Variants in NOS1AP observed in about 807,000 individuals in gnomAD.
The protein encoded by NOS1AP is nitric oxide synthase 1 adaptor protein.
Under a neutral mutation model 56.2 loss-of-function variants are expected in NOS1AP, and 21 were observed. The ratio of observed to expected loss-of-function variants is 0.37; its 90% CI spans 0.26 to 0.54. The LOEUF (loss-of-function observed/expected upper bound fraction) is 0.54, where lower values mean the gene tolerates loss of function less well. Ranked by LOEUF, NOS1AP falls within the 20% of genes least tolerant of loss-of-function variation. The pLI is 0.84. For synonymous variants in NOS1AP, 270 were observed against 274.6 expected, an observed-to-expected ratio of 0.98 and a Z score of 0.17; for missense variants, 522 against 657.8, an observed-to-expected ratio of 0.79 and a Z score of 2.26.
chr1:162,322,102 A>C (rs1656442329), intron 4 of NOS1AP, among the ~76,000 whole-genome samples: 1 of 152,166 alleles, frequency 6.6e-6, no homozygotes, highest in African/African-American at 2.4e-5. Context: ...AGAAAAAGAC[A>C]CTAGATTGTG....
At chr1:162,249,200 G>A (rs1005523607) in intron 2 of NOS1AP, among the ~76,000 whole-genome samples, 1 of 152,154 alleles carries the variant, frequency 6.6e-6, no homozygotes, top group African/African-American at 2.4e-5. Context: ...GTGGGACCTG[G>A]AGTGCTTTTC....
At chr1:162,118,243 C>T (rs971128199) in intron 1 of NOS1AP, among the ~76,000 whole-genome samples, 7 of 152,196 alleles carry the variant, frequency 4.6e-5, no homozygotes, top group Admixed American at 2.6e-4. Flanking sequence ...CTTCAGCCCA[C>T]GTCTCCCTTC....
chr1:162,326,511 T>C (rs1656596045), intron 4 of NOS1AP, among the ~76,000 whole-genome samples: 1 of 152,206 alleles, frequency 6.6e-6, no homozygotes, highest in Admixed American at 6.5e-5. Flanking sequence ...ACTTAATATA[T>C]ACAGGCACAT....
At chr1:162,277,655 A>G (rs183124117) in intron 2 of NOS1AP, among the ~76,000 whole-genome samples, 3 of 152,336 alleles carry the variant, frequency 2.0e-5, no homozygotes, top group East Asian at 3.9e-4. Flanking sequence ...GCAGTCCCAC[A>G]TGAATGGCTG....
At chr1:162,155,291 T>TACATAC (rs1649908023) in intron 2 of NOS1AP, among the ~76,000 whole-genome samples, 1 of 145,964 alleles carries the variant, frequency 6.9e-6, no homozygotes, top group East Asian at 2.0e-4. Flanking sequence ...CATATATACA[T>TACATAC]ATATATGTAT....
intron 2 of NOS1AP, among the ~76,000 whole-genome samples, chr1:162,208,082 G>C (rs1051509648): frequency 1.3e-5 from 2 of 152,172 alleles, no homozygotes; most frequent in Non-Finnish European, 2.9e-5. Context: ...GGGAGGACCA[G>C]CAGTGAGCAT....
In NOS1AP at chr1:162,125,425, C is replaced by T. The variant is rs142165722; in HGVS notation, c.106-28980C>T. Among the ~76,000 whole-genome samples, 86 of 152,256 alleles carry T rather than the reference C, an allele frequency of 5.6e-4. No individual in the cohort carries two copies. In the East Asian group the frequency reaches 0.011, roughly 20 times the overall value. ...CTAGGATTACAGGCATGAGCCACCG[C>T]GCCTGGCCTGAATTAATTTTTATAT... On this transcript the variant is annotated intron_variant, in intron 1 of 9. Coordinates refer to ENST00000361897, the MANE Select transcript of NOS1AP (RefSeq NM_014697.3).
chr1:162,257,221 A>G (rs1654058886), intron 2 of NOS1AP, among the ~76,000 whole-genome samples: 1 of 152,234 alleles, frequency 6.6e-6, no homozygotes, highest in South Asian at 2.1e-4. Context: ...AGCATTGCCC[A>G]GAGCTTGCCA....
At chr1:162,146,740 T>C (rs1649479593) in intron 1 of NOS1AP, among the ~76,000 whole-genome samples, 1 of 152,218 alleles carries the variant, frequency 6.6e-6, no homozygotes, top group East Asian at 1.9e-4. Context: ...TTAGAGAAGT[T>C]TTAGGTTAAG....
rs2101836549 is a variant in NOS1AP at position 162,370,309 on chromosome 1, T to C, written c.*2842T>C. On this transcript the variant is annotated 3_prime_UTR_variant, in exon 10 of 10. Coordinates refer to ENST00000361897, the MANE Select transcript of NOS1AP (RefSeq NM_014697.3). ...TTTATTTACTCTTTGCTTGACTGCT[T>C]CCTCCTAACCCTCTACCCACTAGCA... 1 of 152,324 alleles carries C rather than the reference T, an allele frequency of 6.6e-6. No individual in the cohort carries two copies. Among genetic ancestry groups the C allele is most frequent in the African/African-American group, 2.4e-5 (1 of 41,564 alleles). 9.4% of individuals were successfully genotyped at this position (152,324 alleles called of 1,614,324 possible).
At chr1:162,198,806 C>T (rs1651889098) in intron 2 of NOS1AP, among the ~76,000 whole-genome samples, 1 of 152,140 alleles carries the variant, frequency 6.6e-6, no homozygotes, top group Admixed American at 6.6e-5. Flanking sequence ...TGCCTGCCTC[C>T]AGAGCTTAGG....
chr1:162,290,191 C>T (rs943458664), intron 3 of NOS1AP, among the ~76,000 whole-genome samples: 5 of 152,224 alleles, frequency 3.3e-5, no homozygotes, highest in Non-Finnish European at 5.9e-5. Flanking sequence ...GATGGTCTAG[C>T]AGGTCTTTCC....
intron 1 of NOS1AP, among the ~76,000 whole-genome samples, chr1:162,108,145 C>CA (rs374092782): frequency 5.3e-5 from 8 of 152,254 alleles, no homozygotes; most frequent in African/African-American, 1.9e-4. Flanking sequence ...CCATTTCCTA[C>CA]AAAAAATAAC....
intron 2 of NOS1AP, among the ~76,000 whole-genome samples, chr1:162,205,588 C>T (rs1346688975): frequency 6.6e-6 from 1 of 152,174 alleles, no homozygotes; most frequent in African/African-American, 2.4e-5. Flanking sequence ...CATGCCTTTC[C>T]ATCTTTCATC....
chr1:162,271,823 G>A (rs887003304), intron 2 of NOS1AP, among the ~76,000 whole-genome samples: 1 of 152,342 alleles, frequency 6.6e-6, no homozygotes, highest in East Asian at 1.9e-4. Flanking sequence ...TGGCTGGGTT[G>A]GTTAAGACCA....
chr1:162,154,514 C>T, intron 2 of NOS1AP, 38 bp downstream of exon 2: 1 of 1,603,814 alleles, frequency 6.2e-7, no homozygotes, highest in Non-Finnish European at 8.5e-7. Flanking sequence ...AGCGGGGAGT[C>T]AAGTGCCTTA....
chr1:162,356,443 C>T (rs529110567), intron 7 of NOS1AP, among the ~76,000 whole-genome samples: 37 of 152,230 alleles, frequency 2.4e-4, no homozygotes, highest in African/African-American at 8.7e-4. Context: ...AGGAGGTAGC[C>T]CCCTCACATG....
chr1:162,161,530 A>C (rs537141482), intron 2 of NOS1AP, among the ~76,000 whole-genome samples: 1 of 152,246 alleles, frequency 6.6e-6, no homozygotes, highest in African/African-American at 2.4e-5. Context: ...ACATGAATGC[A>C]TGCAGCATAC....
intron 1 of NOS1AP, among the ~76,000 whole-genome samples, chr1:162,098,007 T>C (rs1692286501): frequency 6.6e-6 from 1 of 151,982 alleles, no homozygotes; most frequent in African/African-American, 2.4e-5. Context: ...TTTAGTCTTT[T>C]AGTCCATGAA....
Sources: gnomAD v4.1 joint callset for allele counts (sites outside exome capture counted in the v4.1 genomes callset) on GRCh38, gnomAD v4.1.1 for gene constraint, MANE v1.5 for transcripts, NCBI Gene and HGNC (gene_info 2026-07-23, HGNC 2026-07-21) for gene names.